The following PIGU variants were observed in gnomAD, a reference collection of about 807,000 sequenced individuals.
The protein encoded by PIGU is GPI-anchor transamidase component PIGU.
In PIGU, 24 loss-of-function variants were observed where a neutral mutation model predicts 49.9. That is an observed-to-expected ratio of 0.48 (90% CI 0.35 to 0.68). The LOEUF is 0.68. Ranked by LOEUF, PIGU falls within the 30% of genes least tolerant of loss-of-function variation. PIGU has a pLI of 0.01. For synonymous variants in PIGU, 220 were observed against 205.7 expected, an observed-to-expected ratio of 1.07 and a Z score of -0.59; for missense variants, 490 against 532.6, an observed-to-expected ratio of 0.92 and a Z score of 0.79.
At chr20:34,577,115 T>C (rs1983268164) in intron 10 of PIGU, among the ~76,000 whole-genome samples, 1 of 152,220 alleles carries the variant, frequency 6.6e-6, no homozygotes, top group Admixed American at 6.5e-5. Context: ...TTTATCTTTA[T>C]CATATTTTTA....
intron 7 of PIGU, among the ~76,000 whole-genome samples, chr20:34,605,018 C>T (rs980675249): frequency 6.6e-6 from 1 of 152,126 alleles, no homozygotes; most frequent in African/African-American, 2.4e-5. Context: ...CGGTAAGCCT[C>T]GCCTGGTCTC....
At chr20:34,650,512 G>C (rs1353716950) in intron 2 of PIGU, among the ~76,000 whole-genome samples, 1 of 151,806 alleles carries the variant, frequency 6.6e-6, no homozygotes, top group African/African-American at 2.4e-5. Context: ...CAAGTGATCT[G>C]CCCATCTTGG....
chr20:34,577,495 C>A (rs973237681), intron 10 of PIGU, among the ~76,000 whole-genome samples: 10 of 152,138 alleles, frequency 6.6e-5, no homozygotes, highest in Non-Finnish European at 1.2e-4. Flanking sequence ...GCAGGTAGAT[C>A]ACCTGAGGTC....
chr20:34,620,597 G>A (rs559271019), intron 6 of PIGU, among the ~76,000 whole-genome samples: 1 of 152,070 alleles, frequency 6.6e-6, no homozygotes, highest in East Asian at 1.9e-4. Context: ...GGATCACGAG[G>A]TCGGGAGATC....
chr20:34,645,178 A>G, intron 3 of PIGU, 97 bp downstream of exon 3: 3 of 1,292,426 alleles, frequency 2.3e-6, no homozygotes, highest in Non-Finnish European at 3.1e-6. Context: ...ACACAGTGAG[A>G]CCCCATCTCA....
chr20:34,658,115 G>A (rs1242111842), intron 1 of PIGU, among the ~76,000 whole-genome samples: 1 of 152,188 alleles, frequency 6.6e-6, no homozygotes, highest in Non-Finnish European at 1.5e-5. Context: ...GCCTCAGCCT[G>A]CCCAGTGCCT....
At chr20:34,658,141 C>T (rs931943188) in intron 1 of PIGU, among the ~76,000 whole-genome samples, 1 of 152,194 alleles carries the variant, frequency 6.6e-6, no homozygotes, top group East Asian at 1.9e-4. Flanking sequence ...TGCAGGCGCG[C>T]GCCGCCACGC....
Position 34,637,899 on chromosome 20 carries a change from G to A in PIGU, c.405C>T (p.Tyr135=), listed in dbSNP as rs1347893590. 6.2e-7 allele frequency: 1 copy of A among 1,610,534 alleles called. No individual in the cohort carries two copies. Among genetic ancestry groups the A allele is most frequent in the Non-Finnish European group, 8.5e-7 (1 of 1,178,634 alleles). ...ELIRTPMEMR[Y]IPLKVALFYL... ...ACAACAGGGCCACTTTCAAAGGGAT[G>A]TAACGCATTTCCATAGGGGTCCGGA... The change falls in exon 5 of 12, where the codon TAC becomes TAT. Residue 135 remains tyrosine, a synonymous_variant. Coordinates refer to ENST00000217446, the MANE Select transcript of PIGU (RefSeq NM_080476.5).
chr20:34,645,165 G>T, intron 3 of PIGU, 110 bp downstream of exon 3: 1 of 1,221,728 alleles, frequency 8.2e-7, no homozygotes, highest in Non-Finnish European at 1.1e-6. Context: ...ACCAGCCTGG[G>T]CAACACAGTG....
chr20:34,664,442 T>C (rs1240989667), intron 1 of PIGU, among the ~76,000 whole-genome samples: 2 of 152,230 alleles, frequency 1.3e-5, no homozygotes, highest in African/African-American at 4.8e-5. Context: ...CTCACGCCTG[T>C]AATCCCAGCA....
chr20:34,652,187 G>T (rs1261000134), intron 2 of PIGU, among the ~76,000 whole-genome samples: 1 of 152,036 alleles, frequency 6.6e-6, no homozygotes, highest in African/African-American at 2.4e-5. Context: ...CCCCTGGGGG[G>T]AGAAACAGAG....
At chr20:34,583,098 T>A (rs1373890365) in intron 9 of PIGU, among the ~76,000 whole-genome samples, 8 of 152,252 alleles carry the variant, frequency 5.3e-5, no homozygotes, top group African/African-American at 1.9e-4. Flanking sequence ...GAATCTGAGA[T>A]GTGCAGACAA....
At chr20:34,668,492 C>T (rs1024566839) in intron 1 of PIGU, among the ~76,000 whole-genome samples, 1 of 95,138 alleles carries the variant, frequency 1.1e-5, no homozygotes, top group Non-Finnish European at 2.0e-5. Context: ...AAGGGGGGGG[C>T]GGGCGTGCTG....
intron 6 of PIGU, among the ~76,000 whole-genome samples, chr20:34,617,656 C>T (rs1985063671): frequency 6.6e-6 from 1 of 152,092 alleles, no homozygotes; most frequent in Non-Finnish European, 1.5e-5. Context: ...GGGCTGTGCA[C>T]TTTTGGGTTA....
intron 11 of PIGU, among the ~76,000 whole-genome samples, chr20:34,569,729 AG>A (rs1019373964): frequency 3.9e-5 from 6 of 152,230 alleles, no homozygotes; most frequent in Non-Finnish European, 7.3e-5. Context: ...CGGGGAGGTC[AG>A]GGTGTACAGA....
In PIGU at chr20:34,676,197, A is replaced by C. The variant is rs550612260; in HGVS notation, c.130+759T>G. 1.3e-4 allele frequency among the ~76,000 whole-genome samples: 20 copies of C among 152,214 alleles called. No homozygotes were observed. In the South Asian group the frequency reaches 3.9e-3, roughly 30 times the overall value. On this transcript the variant is annotated intron_variant, in intron 1 of 11. Transcript: ENST00000217446. ...TCCTTTTCTCTAATCTCCCTTTCAA[A>C]ACCCTACATCCTTCAAGAGTCAGCT...
In PIGU at chr20:34,560,590, C is replaced by A. The variant is rs1982436406; in HGVS notation, c.*276G>T. 4.7e-6 allele frequency: 2 copies of A among 423,380 alleles called. No individual in the cohort carries two copies. The highest frequency in any genetic ancestry group is 8.4e-6 in the Non-Finnish European group (2 of 239,072). The allele number at this position is 423,380 out of a possible 1,614,324, so 26.2% of individuals were successfully genotyped here. A position where few individuals can be genotyped will look rare whatever the true frequency, so the allele number is the denominator to read the frequency against. On this transcript the variant is annotated 3_prime_UTR_variant, in exon 12 of 12. Transcript: ENST00000217446. ...TATTAAGTAGCCACAATCTAACAAG[C>A]CCTGCTCACCTGCCTCTTCTCCTTC...
rs61712297 is a variant in PIGU, at chr20:34,565,178, T to C, written c.1195-4199A>G. On this transcript the variant is annotated intron_variant, in intron 11 of 11. Transcript: ENST00000217446. ...GTCAGCGGCTGTGTGATATTAAGTC[T>C]CTTCCTGTCCCCTGGGCTGCATTTT... is the stretch of plus-strand genomic sequence containing the variant. Among the ~76,000 whole-genome samples the C allele has an allele frequency of 5.6e-3, 852 of 152,268 alleles. 5 individuals carry two copies. The highest frequency in any genetic ancestry group is 0.019 in the African/African-American group (808 of 41,516).
intron 1 of PIGU, among the ~76,000 whole-genome samples, chr20:34,663,861 A>G (rs1232350081): frequency 6.6e-6 from 1 of 151,858 alleles, no homozygotes. Flanking sequence ...TCTACAGGGC[A>G]CCAGTATGCG....
Sources: gnomAD v4.1 joint callset for allele counts (sites outside exome capture counted in the v4.1 genomes callset) on GRCh38, gnomAD v4.1.1 for gene constraint, MANE v1.5 for transcripts, NCBI Gene and HGNC (gene_info 2026-07-23, HGNC 2026-07-21) for gene names.